Variants in TMEM121B observed in about 807,000 individuals in gnomAD.
The protein encoded by TMEM121B is cat eye syndrome chromosome region, candidate 6.
Under a neutral mutation model 25.1 loss-of-function variants are expected in TMEM121B, and 14 were observed. The observed-to-expected ratio is 0.56, with a 90% CI of 0.37 to 0.87. The LOEUF (loss-of-function observed/expected upper bound fraction) is 0.87, where lower values mean the gene tolerates loss of function less well. Ranked by LOEUF, TMEM121B falls within the 40% of genes least tolerant of loss-of-function variation. The pLI, the probability that TMEM121B is intolerant of heterozygous loss-of-function variation, is 0.00. For synonymous variants in TMEM121B, 458 were observed against 420.9 expected, an observed-to-expected ratio of 1.09 and a Z score of -1.08; for missense variants, 850 against 854.6, an observed-to-expected ratio of 0.99 and a Z score of 0.07.
In TMEM121B at chr22:17,118,147, A is replaced by ATGTCTC. The variant is rs1295921563; in HGVS notation, c.*1238_*1243dup. 1 of 152,170 alleles carries ATGTCTC rather than the reference A, an allele frequency of 6.6e-6. No individual in the cohort carries two copies. The highest frequency in any genetic ancestry group is 6.5e-5 in the Admixed American group (1 of 15,278). 9.4% of individuals were successfully genotyped at this position (152,170 alleles called of 1,614,324 possible). ...CCGACTGTAAGTGCACAGTCCCCGG[A>ATGTCTC]TGTCTCTTGTCATCACCCTCAATGA... On this transcript the variant is annotated 3_prime_UTR_variant, in exon 1 of 1. Transcript: ENST00000331437.
rs2123824273 is a variant in TMEM121B, at chr22:17,118,287, G to A, written c.*1104C>T. The A allele has an allele frequency of 6.6e-6, 1 of 152,366 alleles. No individual in the cohort carries two copies. The highest frequency in any genetic ancestry group is 2.4e-5 in the African/African-American group (1 of 41,562). 9.4% of individuals were successfully genotyped at this position (152,366 alleles called of 1,614,324 possible). A position where few individuals can be genotyped will look rare whatever the true frequency, so the allele number is the denominator to read the frequency against. ...TCTACACTTCCTAGAGGAAGGACAG[G>A]TGGGGAATGGGGCTTCCTACTCCCT... On this transcript the variant is annotated 3_prime_UTR_variant, in exon 1 of 1. Coordinates refer to ENST00000331437, the MANE Select transcript of TMEM121B (RefSeq NM_031890.4).
rs1003135404 is a variant in TMEM121B at position 17,120,378 on chromosome 22, C to A, written c.750G>T (p.Arg250=). Residue 250 remains arginine (R), a synonymous_variant, in exon 1 of 1, where the codon CGG becomes CGT. Coordinates refer to ENST00000331437, the MANE Select transcript of TMEM121B (RefSeq NM_031890.4). ...CGCTGGCTGCGCCGCCCCGACGGCC[C>A]CGGCTGTTCTTGGCGAAGAAGATGG... ...GWAIFFAKNS[R]GRRGGAASGA... 5.2e-6 allele frequency: 8 copies of A among 1,552,034 alleles called. No homozygotes were observed. The Admixed American group carries it at 1.3e-4, about 25-fold the overall frequency.
rs1285148183 is a variant in TMEM121B, at chr22:17,117,976, T to C, written c.*1415A>G. On this transcript the variant is annotated 3_prime_UTR_variant, in exon 1 of 1. Transcript: ENST00000331437. ...AAGAAGGGAGAAGGGGAAACAAAAA[T>C]TCTTCAAGTTTCACCCCCACCACAT... 6.6e-6 allele frequency: 1 copy of C among 152,108 alleles called. No homozygotes were observed. Among genetic ancestry groups the C allele is most frequent in the African/African-American group, 2.4e-5 (1 of 41,390 alleles). The allele number at this position is 152,108 out of a possible 1,614,324, so 9.4% of individuals were successfully genotyped here.
At position 17,116,942 on chromosome 22, in the gene TMEM121B, G is replaced by A. The variant is rs1478325161; in HGVS notation, c.*2449C>T. The A allele has an allele frequency of 1.3e-5, 2 of 152,276 alleles. No individual in the cohort carries two copies. Among genetic ancestry groups the A allele is most frequent in the African/African-American group, 2.4e-5 (1 of 41,436 alleles). The allele number at this position is 152,276 out of a possible 1,614,324, so 9.4% of individuals were successfully genotyped here. A position where few individuals can be genotyped will look rare whatever the true frequency, so the allele number is the denominator to read the frequency against. ...ATATCCAGGGAAGTGGCAGCTCATT[G>A]GAACTTATCACAGCCTCCCACCAAA... On this transcript the variant is annotated 3_prime_UTR_variant, in exon 1 of 1. Transcript: ENST00000331437.
Position 17,120,707 on chromosome 22 carries a change from C to A in TMEM121B, c.421G>T (p.Ala141Ser). ...GGGCCCCCGACGGCCCCGGCCGCGGCGCCCCCGCCGAAGTCCGCGGCTGTC... is the reference window on the plus strand; with the variant it reads ...GGGCCCCCGACGGCCCCGGCCGCGGAGCCCCCGCCGAAGTCCGCGGCTGTC... ...SMTAADFGGG[A>S]AAGAVGGPGS... The change falls in exon 1 of 1, where the codon GCC (alanine) becomes TCC (serine). Residue 141 changes from alanine (A) to serine (S), a missense_variant. Ala to Ser is a moderately conservative substitution (Grantham distance 99). Coordinates refer to ENST00000331437, the MANE Select transcript of TMEM121B (RefSeq NM_031890.4). 8 of 1,113,480 alleles carry A rather than the reference C, an allele frequency of 7.2e-6. No homozygotes were observed. Among genetic ancestry groups the A allele is most frequent in the Non-Finnish European group, 7.7e-6 (7 of 914,584 alleles). 69.0% of individuals were successfully genotyped at this position (1,113,480 alleles called of 1,614,324 possible).
In TMEM121B at chr22:17,120,562, C is replaced by T; in HGVS notation, c.566G>A (p.Gly189Asp). The change falls in exon 1 of 1, where the codon GGC becomes GAC. Residue 189 changes from glycine to aspartate, a missense_variant. Coordinates refer to ENST00000331437, the MANE Select transcript of TMEM121B (RefSeq NM_031890.4). ...GCGGCACCTGGGACTGGGGGCGCAG[C>T]CGCGGCGCCGACCTCTGCGGCCGGG... ...DRPGRRGRRR[G>D]CAPSPRCRWG... 2.0e-6 allele frequency: 3 copies of T among 1,495,704 alleles called. No homozygotes were observed. The highest frequency in any genetic ancestry group is 2.7e-6 in the Non-Finnish European group (3 of 1,126,274). 92.7% of individuals were successfully genotyped at this position (1,495,704 alleles called of 1,614,324 possible). A position where few individuals can be genotyped will look rare whatever the true frequency, so the allele number is the denominator to read the frequency against.
chr22:17,120,836 G>C lies in TMEM121B; in HGVS notation c.292C>G (p.Pro98Ala). The C allele has an allele frequency of 7.9e-7, 1 of 1,272,806 alleles. No individual in the cohort carries two copies. Among genetic ancestry groups the C allele is most frequent in the South Asian group, 2.6e-5 (1 of 38,174 alleles). The allele number at this position is 1,272,806 out of a possible 1,614,324, so 78.8% of individuals were successfully genotyped here. A position where few individuals can be genotyped will look rare whatever the true frequency, so the allele number is the denominator to read the frequency against. The change falls in exon 1 of 1, where the codon CCG (proline) becomes GCG (alanine). Residue 98 changes from proline (P) to alanine (A), a missense_variant. By Grantham distance (27) the Pro-to-Ala change is conservative (BLOSUM62 -1). Transcript: ENST00000331437. ...PLVPNAALLG[P>A]PAQVGAPAGP... Reference sequence around the variant, plus strand: ...GCGGGGGCGCCCACCTGAGCCGGCGGCCCCAGGAGCGCGGCGTTGGGCACC... The same window carrying C: ...GCGGGGGCGCCCACCTGAGCCGGCGCCCCCAGGAGCGCGGCGTTGGGCACC...
At position 17,117,608 on chromosome 22, in the gene TMEM121B, C is replaced by G. The variant is rs183400498; in HGVS notation, c.*1783G>C. On this transcript the variant is annotated 3_prime_UTR_variant, in exon 1 of 1. Coordinates refer to ENST00000331437, the MANE Select transcript of TMEM121B (RefSeq NM_031890.4). Reference sequence around the variant, plus strand: ...CTGCCCCACACCCAGCCCAGGCACCCAAGCCCTCCCTCCGGCCTTCTCTGC... The same window carrying G: ...CTGCCCCACACCCAGCCCAGGCACCGAAGCCCTCCCTCCGGCCTTCTCTGC... 6.5e-6 allele frequency: 1 copy of G among 152,710 alleles called. No individual in the cohort carries two copies. Among genetic ancestry groups the G allele is most frequent in the African/African-American group, 2.4e-5 (1 of 41,446 alleles). 9.5% of individuals were successfully genotyped at this position (152,710 alleles called of 1,614,324 possible).
rs780360570 is a variant in TMEM121B, at chr22:17,119,527, T to G, written c.1601A>C (p.Tyr534Ser). 1.9e-6 allele frequency: 3 copies of G among 1,562,774 alleles called. No individual in the cohort carries two copies. In the African/African-American group the frequency reaches 4.1e-5, roughly 21 times the overall value. ...TGGAGGGGCGGAGGGCGGAGCACCG[T>G]AGCCCCCTCTGGCCCGACTCGGGGA... ...RASPSRARGGYGAPPSAPPPP... is the reference protein window; with the variant it reads ...RASPSRARGGSGAPPSAPPPP... Residue 534 changes from tyrosine (Y) to serine (S), a missense_variant, in exon 1 of 1, where the codon TAC (tyrosine) becomes TCC (serine). Coordinates refer to ENST00000331437, the MANE Select transcript of TMEM121B (RefSeq NM_031890.4).
Position 17,119,051 on chromosome 22 carries a change from G to C in TMEM121B, c.*340C>G. ...AAAGAGGCTGGCACTTCTAAGCAAG[G>C]GAGAAGGTCCAAGGCCCAGCACCCC... On this transcript the variant is annotated 3_prime_UTR_variant, in exon 1 of 1. Coordinates refer to ENST00000331437, the MANE Select transcript of TMEM121B (RefSeq NM_031890.4). 3.8e-6 allele frequency: 1 copy of C among 261,252 alleles called. No individual in the cohort carries two copies. The highest frequency in any genetic ancestry group is 7.3e-6 in the Non-Finnish European group (1 of 137,190). The allele number at this position is 261,252 out of a possible 1,614,324, so 16.2% of individuals were successfully genotyped here. A position where few individuals can be genotyped will look rare whatever the true frequency, so the allele number is the denominator to read the frequency against.
In TMEM121B at chr22:17,120,170, T is replaced by C; in HGVS notation, c.958A>G (p.Ile320Val). 2 of 1,599,074 alleles carry C rather than the reference T, an allele frequency of 1.3e-6. No homozygotes were observed. The highest frequency in any genetic ancestry group is 1.7e-6 in the Non-Finnish European group (2 of 1,175,100). ...TTGGGAGTGAAGGCGATGGAGTAGA[T>C]AAGCCAGGCCAGGTAGGCGAAGGCG... ...EFAFAYLAWL[I>V]YSIAFTPKVV... Residue 320 changes from isoleucine to valine, a missense_variant, in exon 1 of 1, where the codon ATC becomes GTC. Physicochemically the swap from Ile to Val is conservative, Grantham distance 29 (BLOSUM62 3). Transcript: ENST00000331437.
chr22:17,121,139 G>A lies in TMEM121B; in HGVS notation c.-12C>T. On this transcript the variant is annotated 5_prime_UTR_variant, in exon 1 of 1. Transcript: ENST00000331437. ...AGCGCCGGGCGCATTGTCCTCCGAG[G>A]GGCTCTGGGGCCGCCCAGCTGTTCC... 1 of 1,304,288 alleles carries A rather than the reference G, an allele frequency of 7.7e-7. No individual in the cohort carries two copies. Among genetic ancestry groups the A allele is most frequent in the South Asian group, 2.1e-5 (1 of 47,382 alleles). 80.8% of individuals were successfully genotyped at this position (1,304,288 alleles called of 1,614,324 possible).
Position 17,119,477 on chromosome 22 carries a change from C to T in TMEM121B, c.1651G>A (p.Gly551Ser), listed in dbSNP as rs1244725599. The T allele has an allele frequency of 5.0e-6, 8 of 1,605,340 alleles. No individual in the cohort carries two copies. Among genetic ancestry groups the T allele is most frequent in the Non-Finnish European group, 6.0e-6 (7 of 1,176,084 alleles). Reference protein sequence around the residue: ...PPPPPPPPQGGSQLGHCISEN... With the variant: ...PPPPPPPPQGSSQLGHCISEN... ...GAGATGCAGTGGCCCAGCTGGGAGC[C>T]TCCCTGAGGTGGTGGCGGAGGTGGT... Residue 551 changes from glycine (G) to serine (S), a missense_variant, in exon 1 of 1, where the codon GGC (glycine) becomes AGC (serine). Gly to Ser is a moderately conservative substitution (Grantham distance 56, BLOSUM62 0). Coordinates refer to ENST00000331437, the MANE Select transcript of TMEM121B (RefSeq NM_031890.4).
rs1031124100 is a variant in TMEM121B at position 17,121,031 on chromosome 22, G to C, written c.97C>G (p.Arg33Gly). 9.7e-4 allele frequency: 1,421 copies of C among 1,468,134 alleles called. 2 individuals carry two copies. The highest frequency in any genetic ancestry group is 1.1e-3 in the Non-Finnish European group (1,191 of 1,111,992). 90.9% of individuals were successfully genotyped at this position (1,468,134 alleles called of 1,614,324 possible). A position where few individuals can be genotyped will look rare whatever the true frequency, so the allele number is the denominator to read the frequency against. ...AAARLQPLFL[R>G]GGSFRGRRGS... ...CTCCGGCCGCGGAAGGAGCCCCCGC[G>C]GAGGAAGAGGGGCTGCAGCCGGGCG... The change falls in exon 1 of 1, where the codon CGC becomes GGC. Residue 33 changes from arginine to glycine, a missense_variant. By Grantham distance (125) the Arg-to-Gly change is moderately radical. Transcript: ENST00000331437.
In TMEM121B at chr22:17,121,324, G is replaced by A; in HGVS notation, c.-197C>T. ...GAGCCGGGCCGGGCGGCAGGGAGAGGGGGCAGGCGGTGAACCGAGCGGACC... is the reference window on the plus strand; with the variant it reads ...GAGCCGGGCCGGGCGGCAGGGAGAGAGGGCAGGCGGTGAACCGAGCGGACC... On this transcript the variant is annotated 5_prime_UTR_variant, in exon 1 of 1. Transcript: ENST00000331437. 1 of 427,542 alleles carries A rather than the reference G, an allele frequency of 2.3e-6. No individual in the cohort carries two copies. Among genetic ancestry groups the A allele is most frequent in the Non-Finnish European group, 3.8e-6 (1 of 260,406 alleles). The allele number at this position is 427,542 out of a possible 1,614,324, so 26.5% of individuals were successfully genotyped here. A position where few individuals can be genotyped will look rare whatever the true frequency, so the allele number is the denominator to read the frequency against.
rs776045882 is a variant in TMEM121B at position 17,119,358 on chromosome 22, C to T, written c.*33G>A. On this transcript the variant is annotated 3_prime_UTR_variant, in exon 1 of 1. Transcript: ENST00000331437. ...AGAAGACAAGGGGGTTGGGGACTCT[C>T]AACCCAAAAACAAGGACCCGTGCCC... 6 of 1,544,852 alleles carry T rather than the reference C, an allele frequency of 3.9e-6. No individual in the cohort carries two copies. Among genetic ancestry groups the T allele is most frequent in the Non-Finnish European group, 5.2e-6 (6 of 1,148,994 alleles).
In TMEM121B at chr22:17,120,307, A is replaced by C. The variant is rs747401791; in HGVS notation, c.821T>G (p.Leu274Arg). The C allele has an allele frequency of 2.8e-6, 4 of 1,431,080 alleles. No individual in the cohort carries two copies. The highest frequency in any genetic ancestry group is 3.7e-6 in the Non-Finnish European group (4 of 1,093,966). The allele number at this position is 1,431,080 out of a possible 1,614,324, so 88.6% of individuals were successfully genotyped here. A position where few individuals can be genotyped will look rare whatever the true frequency, so the allele number is the denominator to read the frequency against. ...HLHHHHAAPP[L>R]HLPAPSAATA... Reference sequence around the variant, plus strand: ...AGCGGCCGAGGGGGCGGGCAGATGCAGGGGCGGCGCGGCGTGGTGGTGGTG... The same window carrying C: ...AGCGGCCGAGGGGGCGGGCAGATGCCGGGGCGGCGCGGCGTGGTGGTGGTG... Residue 274 changes from leucine (L) to arginine (R), a missense_variant, in exon 1 of 1, where the codon CTG (leucine) becomes CGG (arginine). Physicochemically the swap from Leu to Arg is moderately radical, Grantham distance 102 (BLOSUM62 -2). Coordinates refer to ENST00000331437, the MANE Select transcript of TMEM121B (RefSeq NM_031890.4).
In TMEM121B at chr22:17,118,042, T is replaced by A. The variant is rs1473268803; in HGVS notation, c.*1349A>T. The A allele has an allele frequency of 6.6e-6, 1 of 152,176 alleles. No individual in the cohort carries two copies. Among genetic ancestry groups the A allele is most frequent in the Non-Finnish European group, 1.5e-5 (1 of 68,020 alleles). 9.4% of individuals were successfully genotyped at this position (152,176 alleles called of 1,614,324 possible). ...GGGAAGTGAGTATTTCCTGGCCTTG[T>A]TAGCTGCTGTCCTCCTGCACCCTTA... On this transcript the variant is annotated 3_prime_UTR_variant, in exon 1 of 1. Transcript: ENST00000331437.
chr22:17,119,319 A>G lies in TMEM121B; in HGVS notation c.*72T>C. ...TTCCAAATAGACCCTGATCAAATCT[A>G]GGTGACAGAAGGTAGAAGACAAGGG... is the stretch of plus-strand genomic sequence containing the variant. On this transcript the variant is annotated 3_prime_UTR_variant, in exon 1 of 1. Coordinates refer to ENST00000331437, the MANE Select transcript of TMEM121B (RefSeq NM_031890.4). 1 of 1,520,152 alleles carries G rather than the reference A, an allele frequency of 6.6e-7. No homozygotes were observed. The highest frequency in any genetic ancestry group is 8.8e-7 in the Non-Finnish European group (1 of 1,139,254). The allele number at this position is 1,520,152 out of a possible 1,614,324, so 94.2% of individuals were successfully genotyped here.
Sources: gnomAD v4.1 joint callset for allele counts on GRCh38, gnomAD v4.1.1 for gene constraint, MANE v1.5 for transcripts, NCBI Gene and HGNC (gene_info 2026-07-23, HGNC 2026-07-21) for gene names.